Variants in FARS2 observed in about 807,000 individuals in gnomAD.
FARS2 encodes phenylalanyl-tRNA synthetase 2, mitochondrial.
Under a neutral mutation model 46.4 loss-of-function variants are expected in FARS2, and 40 were observed. The observed-to-expected ratio is 0.86, with a 90% CI of 0.67 to 1.12. The LOEUF is 1.12. FARS2 is among the 50% of genes most tolerant of loss of function. The pLI is 0.00. For missense variants in FARS2, 513 were observed against 567.9 expected (o/e 0.90, Z 0.98); for synonymous variants, 234 against 214.9 (o/e 1.09, Z -0.78).
intron 1 of FARS2, among the ~76,000 whole-genome samples, chr6:5,304,093 T>G (rs1028890660): frequency 2.0e-5 from 3 of 152,156 alleles, no homozygotes; most frequent in African/African-American, 7.2e-5. Flanking sequence ...AATAAAAGAT[T>G]ATCTTTTAAT....
intron 2 of FARS2, among the ~76,000 whole-genome samples, chr6:5,391,454 A>G (rs1760509840): frequency 6.6e-6 from 1 of 152,236 alleles, no homozygotes; most frequent in Admixed American, 6.5e-5. Flanking sequence ...TGCAAGTGGC[A>G]GTGAAGTGTG....
At chr6:5,550,950 T>A (rs1561706811) in intron 5 of FARS2, among the ~76,000 whole-genome samples, 1 of 152,214 alleles carries the variant, frequency 6.6e-6, no homozygotes, top group African/African-American at 2.4e-5. Context: ...TAACAAAGGG[T>A]TGTATAGCTG....
At chr6:5,583,324 AGCACCT>A (rs1257559642) in intron 5 of FARS2, among the ~76,000 whole-genome samples, 1 of 152,204 alleles carries the variant, frequency 6.6e-6, no homozygotes, top group Non-Finnish European at 1.5e-5. Flanking sequence ...GTGTTTATTG[AGCACCT>A]GCAGCCAGGT....
chr6:5,334,341 G>T (rs1214236971), intron 1 of FARS2, among the ~76,000 whole-genome samples: 2 of 152,090 alleles, frequency 1.3e-5, no homozygotes. Flanking sequence ...AATGTAAAAC[G>T]CACAAACCAT....
At chr6:5,548,167 C>T (rs1161294428) in intron 5 of FARS2, among the ~76,000 whole-genome samples, 1 of 152,172 alleles carries the variant, frequency 6.6e-6, no homozygotes, top group African/African-American at 2.4e-5. Context: ...GAAAGACCGG[C>T]CCCTGTGATT....
At chr6:5,563,565 G>A (rs1772140452) in intron 5 of FARS2, among the ~76,000 whole-genome samples, 1 of 152,140 alleles carries the variant, frequency 6.6e-6, no homozygotes, top group African/African-American at 2.4e-5. Context: ...GGGGTTTTGG[G>A]GGATGACTCC....
chr6:5,535,003 G>C (rs1290973861), intron 4 of FARS2, among the ~76,000 whole-genome samples: 1 of 152,146 alleles, frequency 6.6e-6, no homozygotes, highest in Non-Finnish European at 1.5e-5. Context: ...CAGGGTTTCA[G>C]TTTCTCCACA....
intron 1 of FARS2, among the ~76,000 whole-genome samples, chr6:5,332,174 T>C (rs1342240640): frequency 6.6e-6 from 1 of 152,186 alleles, no homozygotes; most frequent in East Asian, 1.9e-4. Flanking sequence ...TTTAGAGACA[T>C]GCTCTCATCT....
At chr6:5,449,031 G>A (rs1193085692) in intron 4 of FARS2, among the ~76,000 whole-genome samples, 3 of 152,182 alleles carry the variant, frequency 2.0e-5, no homozygotes, top group African/African-American at 7.2e-5. Flanking sequence ...AGCTCTGTAA[G>A]AGATTTTGAA....
rs115551000 is a variant in FARS2 at position 5,287,647 on chromosome 6, T to G, written c.-22+25987T>G. Among the ~76,000 whole-genome samples, 867 of 152,304 alleles carry G rather than the reference T, an allele frequency of 5.7e-3. 13 individuals are homozygous for G. The highest frequency in any genetic ancestry group is 0.02 in the African/African-American group (825 of 41,554). ...AGAATCTTAGAGAGTTGGCCTACTT[T>G]CTGTCGATGCTGCTCCCTTGGAGGA... On this transcript the variant is annotated intron_variant, in intron 1 of 6. Coordinates refer to ENST00000274680, the MANE Select transcript of FARS2 (RefSeq NM_006567.5).
intron 2 of FARS2, among the ~76,000 whole-genome samples, chr6:5,382,780 A>G (rs751449774): frequency 6.6e-6 from 1 of 152,202 alleles, no homozygotes; most frequent in Non-Finnish European, 1.5e-5. Context: ...GCACAGATAT[A>G]TAATAAAAAG....
At chr6:5,263,507 A>T (rs1765339105) in intron 1 of FARS2, among the ~76,000 whole-genome samples, 1 of 152,206 alleles carries the variant, frequency 6.6e-6, no homozygotes, top group Non-Finnish European at 1.5e-5. Flanking sequence ...GCACATCTTC[A>T]TTGCGGAGAT....
At chr6:5,447,214 A>C (rs1391648453) in intron 4 of FARS2, among the ~76,000 whole-genome samples, 1 of 152,212 alleles carries the variant, frequency 6.6e-6, no homozygotes, top group Non-Finnish European at 1.5e-5. Flanking sequence ...TGATGAGGGC[A>C]GGAGCTGAAG....
rs111927946 is a variant in FARS2, at chr6:5,582,038, C to T, written c.1066-31131C>T. On this transcript the variant is annotated intron_variant, in intron 5 of 6. Coordinates refer to ENST00000274680, the MANE Select transcript of FARS2 (RefSeq NM_006567.5). ...CTAAGTGGTCACAGTAACATACTTC[C>T]GGTTAATTCCTGATGCGCTTCTATA... Among the ~76,000 whole-genome samples, 10 of 94,146 alleles carry T rather than the reference C, an allele frequency of 1.1e-4. No individual in the cohort carries two copies. In the East Asian group the frequency reaches 2.0e-3, roughly 19 times the overall value. The allele number at this position is 94,146 out of a possible 152,430, so 61.8% of individuals were successfully genotyped here.
At chr6:5,534,370 C>G (rs1770051903) in intron 4 of FARS2, among the ~76,000 whole-genome samples, 2 of 152,188 alleles carry the variant, frequency 1.3e-5, no homozygotes, top group African/African-American at 4.8e-5. Context: ...ACCATCACCA[C>G]TATCTATCTC....
chr6:5,531,536 T>C (rs1769832647), intron 4 of FARS2, among the ~76,000 whole-genome samples: 1 of 152,166 alleles, frequency 6.6e-6, no homozygotes, highest in Admixed American at 6.5e-5. Flanking sequence ...TCAGACCGTA[T>C]TAAAGAACAC....
chr6:5,502,822 A>C (rs2150384587), intron 4 of FARS2, among the ~76,000 whole-genome samples: 1 of 152,352 alleles, frequency 6.6e-6, no homozygotes, highest in Admixed American at 6.5e-5. Context: ...CTTTACAAAC[A>C]GTTAAGTGAT....
At chr6:5,667,274 CT>C (rs1256896145) in intron 6 of FARS2, among the ~76,000 whole-genome samples, 1 of 152,122 alleles carries the variant, frequency 6.6e-6, no homozygotes, top group Non-Finnish European at 1.5e-5. Context: ...AATCCCAGCC[CT>C]TTGGGGGGCC....
At chr6:5,469,297 C>G (rs959183973) in intron 4 of FARS2, among the ~76,000 whole-genome samples, 1 of 152,210 alleles carries the variant, frequency 6.6e-6, no homozygotes, top group Non-Finnish European at 1.5e-5. Flanking sequence ...CTGCCTTGAC[C>G]CCACTCGGTT....
Sources: allele counts gnomAD v4.1 joint callset (sites outside exome capture counted in the v4.1 genomes callset), GRCh38; gene constraint gnomAD v4.1.1; transcripts MANE v1.5; gene names NCBI Gene and HGNC (gene_info 2026-07-23, HGNC 2026-07-21).